Variants in LRRTM4 observed in about 807,000 individuals in gnomAD.
The protein encoded by LRRTM4 is leucine-rich repeat transmembrane neuronal protein 4.
Under a neutral mutation model 47.6 loss-of-function variants are expected in LRRTM4, and 25 were observed. That is an observed-to-expected ratio of 0.53 (90% CI 0.38 to 0.73). The LOEUF (loss-of-function observed/expected upper bound fraction) is 0.73, where lower values mean the gene tolerates loss of function less well. LRRTM4 is among the 30% of genes least tolerant of loss of function. LRRTM4 has a pLI of 0.00. For missense variants in LRRTM4, 638 were observed against 713.4 expected, an observed-to-expected ratio of 0.89 and a Z score of 1.20; for synonymous variants, 311 against 269.5, an observed-to-expected ratio of 1.15 and a Z score of -1.51.
At chr2:76,969,400 C>G (rs1303805220) in intron 3 of LRRTM4, among the ~76,000 whole-genome samples, 3 of 151,834 alleles carry the variant, frequency 2.0e-5, no homozygotes, top group Non-Finnish European at 4.4e-5. Flanking sequence ...GTAATTCCCT[C>G]CAGAGGCAAA....
intron 3 of LRRTM4, among the ~76,000 whole-genome samples, chr2:76,781,018 C>T (rs547809891): frequency 1.5e-3 from 229 of 151,682 alleles, no homozygotes; most frequent in African/African-American, 5.1e-3. Context: ...AATACCCTGC[C>T]GTGTGAGGTG....
chr2:76,756,854 A>G (rs949998204), intron 3 of LRRTM4, among the ~76,000 whole-genome samples: 1 of 152,176 alleles, frequency 6.6e-6, no homozygotes, highest in Non-Finnish European at 1.5e-5. Context: ...ATGAAAATAG[A>G]AACAATTTAA....
At chr2:77,404,857 T>G (rs895258392) in intron 3 of LRRTM4, among the ~76,000 whole-genome samples, 5 of 152,092 alleles carry the variant, frequency 3.3e-5, no homozygotes, top group Admixed American at 3.3e-4. Flanking sequence ...ATACAGTAGG[T>G]AGCTGCATAG....
intron 3 of LRRTM4, among the ~76,000 whole-genome samples, chr2:77,037,692 G>A (rs1678882820): frequency 6.6e-6 from 1 of 151,654 alleles, no homozygotes; most frequent in Admixed American, 6.6e-5. Context: ...AATTTGGATA[G>A]CTCTATATAC....
chr2:76,973,436 AAT>A (rs1410898539), intron 3 of LRRTM4, among the ~76,000 whole-genome samples: 23 of 152,096 alleles, frequency 1.5e-4, no homozygotes, highest in African/African-American at 5.1e-4. Flanking sequence ...TAATTTAGAA[AAT>A]ATGTGTTATA....
intron 3 of LRRTM4, among the ~76,000 whole-genome samples, chr2:77,075,463 G>C (rs943665120): frequency 6.6e-6 from 1 of 152,100 alleles, no homozygotes; most frequent in Admixed American, 6.5e-5. Flanking sequence ...ACAGTAATTA[G>C]GAGGATATAG....
At chr2:77,127,595 T>C (rs756692422) in intron 3 of LRRTM4, among the ~76,000 whole-genome samples, 2 of 152,132 alleles carry the variant, frequency 1.3e-5, no homozygotes, top group African/African-American at 4.8e-5. Context: ...GGTAATCCCC[T>C]CTCTCTCTTC....
At chr2:76,982,973 T>C (rs1386824227) in intron 3 of LRRTM4, among the ~76,000 whole-genome samples, 6 of 152,030 alleles carry the variant, frequency 3.9e-5, no homozygotes, top group African/African-American at 1.4e-4. Context: ...GATAAGTAAA[T>C]TGAAGATCTG....
chr2:76,751,651 T>C (rs1018198165), intron 3 of LRRTM4, among the ~76,000 whole-genome samples: 4 of 152,116 alleles, frequency 2.6e-5, no homozygotes, highest in African/African-American at 9.7e-5. Flanking sequence ...CCTCTTTCAA[T>C]CAGTACAGGT....
intron 3 of LRRTM4, among the ~76,000 whole-genome samples, chr2:76,881,400 T>C (rs1672924381): frequency 6.6e-6 from 1 of 152,028 alleles, no homozygotes; most frequent in Admixed American, 6.6e-5. Flanking sequence ...TTCATAATGA[T>C]AATATGTGTG....
chr2:77,252,334 T>G (rs1224420578), intron 3 of LRRTM4, among the ~76,000 whole-genome samples: 1 of 152,118 alleles, frequency 6.6e-6, no homozygotes, highest in Non-Finnish European at 1.5e-5. Context: ...CCAGATTTGC[T>G]AGGCAAAGAG....
chr2:76,824,705 G>A (rs892565592), intron 3 of LRRTM4, among the ~76,000 whole-genome samples: 5 of 150,936 alleles, frequency 3.3e-5, no homozygotes, highest in East Asian at 3.9e-4. Context: ...TTGAAACACC[G>A]CAAAGGAGTG....
intron 3 of LRRTM4, among the ~76,000 whole-genome samples, chr2:76,992,874 T>A (rs10196758): frequency 6.7e-6 from 1 of 148,202 alleles, no homozygotes. Context: ...CTTCAAATTA[T>A]ACTATAAGGC....
chr2:76,871,667 T>G (rs563847279), intron 3 of LRRTM4, among the ~76,000 whole-genome samples: 2 of 152,226 alleles, frequency 1.3e-5, no homozygotes, highest in South Asian at 2.1e-4. Context: ...TTCTAACTAA[T>G]AGAATACAGA....
intron 3 of LRRTM4, among the ~76,000 whole-genome samples, chr2:77,093,334 G>A (rs143210274): frequency 0.19 from 27,442 of 145,582 alleles, 2,799 homozygotes; most frequent in East Asian, 0.27. Flanking sequence ...GTCCTGAGTC[G>A]TCCCAATTCT....
chr2:77,472,888 C>G (rs1677245286), intron 3 of LRRTM4, among the ~76,000 whole-genome samples: 6 of 152,080 alleles, frequency 3.9e-5, no homozygotes, highest in Admixed American at 3.9e-4. Context: ...AAGTCAATAT[C>G]AGGTATATAT....
intron 3 of LRRTM4, among the ~76,000 whole-genome samples, chr2:77,356,284 G>T (rs1671966164): frequency 6.6e-6 from 1 of 152,114 alleles, no homozygotes; most frequent in Admixed American, 6.6e-5. Context: ...AAGAAAATTA[G>T]ACCATTTGGA....
chr2:77,044,416 TCTATC>T (rs1679160111), intron 3 of LRRTM4, among the ~76,000 whole-genome samples: 1 of 151,796 alleles, frequency 6.6e-6, no homozygotes, highest in South Asian at 2.1e-4. Flanking sequence ...AATGCTAACT[TCTATC>T]CTATTCTCTC....
At chr2:77,048,046 T>C (rs1339838724) in intron 3 of LRRTM4, among the ~76,000 whole-genome samples, 1 of 152,084 alleles carries the variant, frequency 6.6e-6, no homozygotes, top group Non-Finnish European at 1.5e-5. Flanking sequence ...ACAAAACATA[T>C]CTCTCGATTA....
Sources: allele counts gnomAD v4.1 joint callset (sites outside exome capture counted in the v4.1 genomes callset), GRCh38; gene constraint gnomAD v4.1.1; transcripts MANE v1.5; gene names NCBI Gene and HGNC (gene_info 2026-07-23, HGNC 2026-07-21).